Variants in HMGCLL1 observed in about 807,000 individuals in gnomAD.
The protein encoded by HMGCLL1 is 3-hydroxymethyl-3-methylglutaryl-CoA lyase, cytoplasmic.
Under a neutral mutation model 39.1 loss-of-function variants are expected in HMGCLL1, and 36 were observed. The ratio of observed to expected loss-of-function variants is 0.92; its 90% confidence interval spans 0.71 to 1.22. The LOEUF (loss-of-function observed/expected upper bound fraction) is 1.22, where lower values mean the gene tolerates loss of function less well. HMGCLL1 is among the 50% of genes most tolerant of loss of function. HMGCLL1 has a pLI of 0.00. For synonymous variants in HMGCLL1, 149 were observed against 144.0 expected, an observed-to-expected ratio of 1.03 and a Z score of -0.25; for missense variants, 451 against 416.5, an observed-to-expected ratio of 1.08 and a Z score of -0.72.
the HMGCLL1 span, among the ~76,000 whole-genome samples, chr6:55,603,695 T>TA: frequency 6.6e-6 from 1 of 152,160 alleles, no homozygotes; most frequent in Non-Finnish European, 1.5e-5. Flanking sequence ...AGTCTTTTCT[T>TA]ACATCTCACC....
At chr6:55,667,921 T>G in the HMGCLL1 span, among the ~76,000 whole-genome samples, 2 of 151,788 alleles carry the variant, frequency 1.3e-5, no homozygotes, top group African/African-American at 4.8e-5. Context: ...TTTTTGATTT[T>G]TAAGTTGTTT....
At chr6:55,608,472 T>A in the HMGCLL1 span, among the ~76,000 whole-genome samples, 1 of 151,904 alleles carries the variant, frequency 6.6e-6, no homozygotes, top group Non-Finnish European at 1.5e-5. Context: ...TTCCTGAGAA[T>A]TAAAAAGAAT....
chr6:55,585,934 C>G, the HMGCLL1 span, among the ~76,000 whole-genome samples: 2 of 152,012 alleles, frequency 1.3e-5, no homozygotes, highest in Admixed American at 1.3e-4. Context: ...CAAAGCATAT[C>G]TATTTTAATT....
chr6:55,619,118 G>C, the HMGCLL1 span, among the ~76,000 whole-genome samples: 2 of 150,522 alleles, frequency 1.3e-5, no homozygotes, highest in Admixed American at 6.7e-5. Flanking sequence ...GGTGGGAAGA[G>C]GGAGAGGTCA....
the HMGCLL1 span, among the ~76,000 whole-genome samples, chr6:55,645,913 G>A: frequency 6.6e-6 from 1 of 151,814 alleles, no homozygotes; most frequent in Admixed American, 6.6e-5. Flanking sequence ...CATATAAAAT[G>A]AGTTTGAAAG....
At chr6:55,626,764 T>C in the HMGCLL1 span, among the ~76,000 whole-genome samples, 2 of 152,014 alleles carry the variant, frequency 1.3e-5, no homozygotes, top group Non-Finnish European at 2.9e-5. Context: ...GAAGTTAAGA[T>C]TGCCACCTGG....
the HMGCLL1 span, among the ~76,000 whole-genome samples, chr6:55,623,889 A>C: frequency 3.3e-5 from 5 of 152,142 alleles, no homozygotes; most frequent in South Asian, 6.2e-4. Flanking sequence ...GCATTCTGGC[A>C]CTTGGGAAAT....
intron 1 of HMGCLL1, among the ~76,000 whole-genome samples, chr6:55,554,503 C>A (rs1770545580): frequency 6.6e-6 from 1 of 152,030 alleles, no homozygotes; most frequent in Admixed American, 6.6e-5. Flanking sequence ...TTCATTTAGC[C>A]ATCATTCTTG....
intron 3 of HMGCLL1, among the ~76,000 whole-genome samples, chr6:55,529,818 A>AT: frequency 6.6e-6 from 1 of 152,262 alleles, no homozygotes; most frequent in Middle Eastern, 3.4e-3. Context: ...ACTACTTATT[A>AT]TTCAACATTT....
intron 1 of HMGCLL1, among the ~76,000 whole-genome samples, chr6:55,572,846 A>C (rs1345913695): frequency 6.6e-6 from 1 of 152,202 alleles, no homozygotes; most frequent in Non-Finnish European, 1.5e-5. Context: ...TATTAATGAA[A>C]ACCTAATAGT....
chr6:55,526,371 C>T (rs1561937719), intron 3 of HMGCLL1, among the ~76,000 whole-genome samples: 1 of 152,000 alleles, frequency 6.6e-6, no homozygotes, highest in Non-Finnish European at 1.5e-5. Flanking sequence ...CAATAACCAA[C>T]TTGACTTAGA....
At chr6:55,492,405 G>T (rs1028185463) in intron 7 of HMGCLL1, among the ~76,000 whole-genome samples, 1 of 152,156 alleles carries the variant, frequency 6.6e-6, no homozygotes, top group Non-Finnish European at 1.5e-5. Flanking sequence ...GAGAGCACTG[G>T]TGAACACCTC....
intron 5 of HMGCLL1, among the ~76,000 whole-genome samples, chr6:55,500,149 A>C (rs1344765267): frequency 6.6e-6 from 1 of 152,032 alleles, no homozygotes; most frequent in Non-Finnish European, 1.5e-5. Context: ...GTGGGAAATG[A>C]GGCTGGAGAT....
At chr6:55,612,836 C>A in the HMGCLL1 span, among the ~76,000 whole-genome samples, 2 of 152,202 alleles carry the variant, frequency 1.3e-5, no homozygotes, top group Middle Eastern at 3.4e-3. Flanking sequence ...AACCCAAAAT[C>A]ATAAAAGCTC....
intron 1 of HMGCLL1, among the ~76,000 whole-genome samples, chr6:55,543,692 A>T (rs1019916909): frequency 6.7e-6 from 1 of 148,658 alleles, no homozygotes; most frequent in South Asian, 2.1e-4. Context: ...CATCTCTCTT[A>T]AAAAAAACAA....
At chr6:55,542,009 T>C in intron 2 of HMGCLL1, 51 bp downstream of exon 2, 1 of 1,219,946 alleles carries the variant, frequency 8.2e-7, no homozygotes, top group Non-Finnish European at 1.2e-6. Flanking sequence ...CTTTACAATC[T>C]TAAATTTATT....
the HMGCLL1 span, among the ~76,000 whole-genome samples, chr6:55,590,549 A>T: frequency 6.6e-6 from 1 of 152,124 alleles, no homozygotes; most frequent in Non-Finnish European, 1.5e-5. Flanking sequence ...AAATTGACAA[A>T]TGGGATCTAA....
At chr6:55,478,349 G>A (rs947832008) in intron 7 of HMGCLL1, among the ~76,000 whole-genome samples, 3 of 151,202 alleles carry the variant, frequency 2.0e-5, no homozygotes, top group African/African-American at 7.3e-5. Context: ...ACAGAATTTG[G>A]TAAGAAATGT....
At chr6:55,525,737 T>G (rs551679907) in intron 3 of HMGCLL1, among the ~76,000 whole-genome samples, 1 of 152,078 alleles carries the variant, frequency 6.6e-6, no homozygotes, top group Admixed American at 6.6e-5. Context: ...ACCAAAAATC[T>G]CTGAGACTGT....
Sources: gnomAD v4.1 joint callset for allele counts (sites outside exome capture counted in the v4.1 genomes callset) on GRCh38, gnomAD v4.1.1 for gene constraint, MANE v1.5 for transcripts, NCBI Gene and HGNC (gene_info 2026-07-23, HGNC 2026-07-21) for gene names.